The following SRGAP3 variants were observed in gnomAD, a reference collection of about 807,000 sequenced individuals.
SRGAP3 encodes SLIT-ROBO Rho GTPase-activating protein 3.
In SRGAP3, 39 loss-of-function variants were observed where a neutral mutation model predicts 121.1. The ratio of observed to expected loss-of-function variants is 0.32; its 90% CI spans 0.25 to 0.42. The LOEUF (loss-of-function observed/expected upper bound fraction) is 0.42. Among genes scored for constraint, SRGAP3 ranks in the 10% least tolerant of loss-of-function variants. The pLI is 1.00. For synonymous variants in SRGAP3, 601 were observed against 570.0 expected, an observed-to-expected ratio of 1.05 and a Z score of -0.77; for missense variants, 1,213 against 1,470.6, an observed-to-expected ratio of 0.82 and a Z score of 2.86.
At chr3:9,032,064 C>T (rs1384977086) in intron 12 of SRGAP3, among the ~76,000 whole-genome samples, 3 of 152,198 alleles carry the variant, frequency 2.0e-5, no homozygotes, top group African/African-American at 7.2e-5. Context: ...AAAGGATTAA[C>T]CTAGAATTCA....
At chr3:9,089,157 G>A (rs1408496409) in intron 3 of SRGAP3, among the ~76,000 whole-genome samples, 4 of 152,002 alleles carry the variant, frequency 2.6e-5, no homozygotes, top group Non-Finnish European at 5.9e-5. Flanking sequence ...CCAAAGTGCT[G>A]GGATTACAGG....
At chr3:9,307,119 C>T (rs546702216) in intron 3 of SRGAP3, among the ~76,000 whole-genome samples, 3 of 152,144 alleles carry the variant, frequency 2.0e-5, no homozygotes, top group Admixed American at 6.5e-5. Context: ...ACTAGAGGCA[C>T]GTGCCATCAC....
At chr3:9,204,818 G>A (rs953559428) in intron 1 of SRGAP3, among the ~76,000 whole-genome samples, 8 of 152,222 alleles carry the variant, frequency 5.3e-5, no homozygotes, top group Non-Finnish European at 8.8e-5. Flanking sequence ...ATCTATTGTC[G>A]CTGGGGAGCA....
intron 3 of SRGAP3, among the ~76,000 whole-genome samples, chr3:9,306,157 T>C (rs1484004991): frequency 6.6e-6 from 1 of 152,260 alleles, no homozygotes; most frequent in Non-Finnish European, 1.5e-5. Flanking sequence ...ATTTCTCTGA[T>C]GACCAGTGAT....
intron 4 of SRGAP3, among the ~76,000 whole-genome samples, chr3:9,071,816 C>T (rs1946736948): frequency 6.6e-6 from 1 of 151,864 alleles, no homozygotes; most frequent in Non-Finnish European, 1.5e-5. Flanking sequence ...GCTACACCTT[C>T]AATTATCAAA....
At chr3:9,141,672 G>A (rs926826988) in intron 1 of SRGAP3, among the ~76,000 whole-genome samples, 1 of 151,960 alleles carries the variant, frequency 6.6e-6, no homozygotes, top group African/African-American at 2.4e-5. Context: ...TTCCACAACA[G>A]GGACTGAGAT....
In SRGAP3 at chr3:8,982,049, G is replaced by A. The variant is rs1184836281; in HGVS notation, c.*3470C>T. On this transcript the variant is annotated 3_prime_UTR_variant, in exon 22 of 22. Transcript: ENST00000383836. The stretch of plus-strand genomic sequence containing the variant: ...AGGAAAAGGGAATAAAAGGGGACGG[G>A]GAGAGTGGGGTAGGAAGCACAGCTT... The A allele has an allele frequency of 4.4e-6, 1 of 226,110 alleles. No homozygotes were observed. Among genetic ancestry groups the A allele is most frequent in the Non-Finnish European group, 8.8e-6 (1 of 113,472 alleles). 14.0% of individuals were successfully genotyped at this position (226,110 alleles called of 1,614,324 possible).
chr3:8,994,576 C>T lies in SRGAP3; in HGVS notation c.2228-53G>A, dbSNP rs1942274623. The T allele has an allele frequency of 1.9e-6, 3 of 1,601,374 alleles. No homozygotes were observed. In the Admixed American group the frequency reaches 5.0e-5, roughly 27 times the overall value. ...CTCTGAGGTCAGCAAAGTGGCAGCTCAGGAGCCTCACTCAGATGGCCCTGG... is the reference window on the plus strand; with the variant it reads ...CTCTGAGGTCAGCAAAGTGGCAGCTTAGGAGCCTCACTCAGATGGCCCTGG... On this transcript the variant is annotated intron_variant, in intron 18 of 21. Coordinates refer to ENST00000383836, the MANE Select transcript of SRGAP3 (RefSeq NM_014850.4).
chr3:9,142,829 C>CTTTTTTTTTTTTTTTTTT (rs397795766), intron 1 of SRGAP3, among the ~76,000 whole-genome samples: 4 of 90,832 alleles, frequency 4.4e-5, no homozygotes, highest in African/African-American at 8.8e-5. Flanking sequence ...GGGCAATTTC[C>CTTTTTTTTTTTTTTTTTT]TTTTTTTTTT....
At chr3:8,990,469 T>C in intron 21 of SRGAP3, 43 bp downstream of exon 21, 1 of 1,548,954 alleles carries the variant, frequency 6.5e-7, no homozygotes, top group Non-Finnish European at 8.7e-7. Context: ...CGCTGCCCTC[T>C]GGGGCTTTTG....
At chr3:9,092,496 C>T (rs1011001583) in intron 3 of SRGAP3, among the ~76,000 whole-genome samples, 1 of 152,032 alleles carries the variant, frequency 6.6e-6, no homozygotes, top group Non-Finnish European at 1.5e-5. Flanking sequence ...GCCCTTTATT[C>T]GAGGCACTAT....
At chr3:9,189,868 A>G (rs1220562629) in intron 1 of SRGAP3, among the ~76,000 whole-genome samples, 2 of 152,208 alleles carry the variant, frequency 1.3e-5, no homozygotes, top group Non-Finnish European at 1.5e-5. Flanking sequence ...TGAATCTCTT[A>G]TTTTCCTATA....
chr3:9,125,808 C>T (rs964776209), intron 1 of SRGAP3, among the ~76,000 whole-genome samples: 2 of 152,186 alleles, frequency 1.3e-5, no homozygotes, highest in Non-Finnish European at 2.9e-5. Flanking sequence ...TCTGCTCACA[C>T]CAGCAACGTG....
At chr3:8,990,971 C>G (rs764049603) in intron 20 of SRGAP3, 132 bp from the exon 21 acceptor site, 55 of 744,572 alleles carry the variant, frequency 7.4e-5, no homozygotes, top group Non-Finnish European at 1.0e-4. Flanking sequence ...CCTCATTCAG[C>G]CAGACCCTAC....
At chr3:9,348,334 GA>G in intron 1 of SRGAP3, 1 of 417,190 alleles carries the variant, frequency 2.4e-6, no homozygotes, top group Non-Finnish European at 4.5e-6. Flanking sequence ...GTGAAAAGAA[GA>G]GTGGAAAGAA....
At chr3:9,174,712 C>T (rs987384348) in intron 1 of SRGAP3, among the ~76,000 whole-genome samples, 4 of 152,214 alleles carry the variant, frequency 2.6e-5, no homozygotes, top group African/African-American at 7.2e-5. Flanking sequence ...CGCACCCAGA[C>T]GGGAGTGAGG....
At chr3:9,261,143 A>G (rs1954246912) in intron 3 of SRGAP3, among the ~76,000 whole-genome samples, 3 of 152,198 alleles carry the variant, frequency 2.0e-5, no homozygotes, top group Admixed American at 2.0e-4. Context: ...ACAGAAAGCA[A>G]TAGCATCAAC....
intron 17 of SRGAP3, among the ~76,000 whole-genome samples, chr3:9,011,837 C>G (rs1426983768): frequency 6.6e-6 from 1 of 152,240 alleles, no homozygotes; most frequent in Middle Eastern, 3.4e-3. Flanking sequence ...TCCAAAATTA[C>G]CATGTAATTA....
intron 10 of SRGAP3, among the ~76,000 whole-genome samples, chr3:9,046,855 G>T (rs1203899646): frequency 6.6e-6 from 1 of 151,322 alleles, no homozygotes; most frequent in Non-Finnish European, 1.5e-5. Flanking sequence ...TTTGGAGATG[G>T]AGTCTCGCTC....
Sources: gnomAD v4.1 joint callset for allele counts (sites outside exome capture counted in the v4.1 genomes callset) on GRCh38, gnomAD v4.1.1 for gene constraint, MANE v1.5 for transcripts, NCBI Gene and HGNC (gene_info 2026-07-23, HGNC 2026-07-21) for gene names.